The following CCND3 variants were observed in gnomAD, a reference collection of about 807,000 sequenced individuals.
CCND3 encodes the protein G1/S-specific cyclin-D3.
Under a neutral mutation model 28.7 loss-of-function variants are expected in CCND3, and 9 were observed. The ratio of observed to expected loss-of-function variants is 0.31; its 90% CI spans 0.19 to 0.55. The LOEUF is 0.55. CCND3 is among the 20% of genes least tolerant of loss of function. CCND3 has a pLI of 0.93. For synonymous variants in CCND3, 164 were observed against 163.9 expected (o/e 1.00, Z 0.00); for missense variants, 315 against 385.8 (o/e 0.82, Z 1.54).
At chr6:41,988,590 A>C (rs1762552701) in intron 1 of CCND3, among the ~76,000 whole-genome samples, 2 of 152,102 alleles carry the variant, frequency 1.3e-5, no homozygotes, top group African/African-American at 4.8e-5. Context: ...CCAGCCTTGC[A>C]GCTGGGCTAA....
Position 41,951,575 on chromosome 6 carries a change from C to CAAAAAAAAAA in CCND3, c.-45-10991_-45-10990insTTTTTTTTTT, listed in dbSNP as rs58855970. On this transcript the variant is annotated intron_variant, in intron 1 of 4. Transcript: ENST00000372988. ...ACACACACACACACACACACACACA[C>CAAAAAAAAAA]AAAAAAAAAGATTAAGTGGGAGTAA... Among the ~76,000 whole-genome samples, 67 of 70,132 alleles carry CAAAAAAAAAA rather than the reference C, an allele frequency of 9.6e-4. 1 individual carries two copies. The highest frequency in any genetic ancestry group is 2.0e-3 in the South Asian group (3 of 1,520). 46.0% of individuals were successfully genotyped at this position (70,132 alleles called of 152,430 possible).
intron 1 of CCND3, among the ~76,000 whole-genome samples, chr6:42,046,705 C>T (rs972447393): frequency 6.6e-6 from 1 of 152,160 alleles, no homozygotes; most frequent in Non-Finnish European, 1.5e-5. Context: ...TGTGCAGTTC[C>T]CACAACTCTA....
At chr6:42,000,263 G>GTTTTTT (rs1762958941) in intron 1 of CCND3, among the ~76,000 whole-genome samples, 4 of 84,988 alleles carry the variant, frequency 4.7e-5, no homozygotes, top group African/African-American at 9.8e-5. Flanking sequence ...TTTTTTTTTG[G>GTTTTTT]GACAGAGTCT....
intron 1 of CCND3, among the ~76,000 whole-genome samples, chr6:42,040,890 A>C (rs1048414032): frequency 2.0e-5 from 3 of 151,774 alleles, no homozygotes; most frequent in African/African-American, 2.4e-5. Context: ...AAAAAAAAAA[A>C]CCTCATAGAA....
chr6:41,997,701 C>T (rs1246808409), intron 1 of CCND3, among the ~76,000 whole-genome samples: 1 of 151,848 alleles, frequency 6.6e-6, no homozygotes, highest in Non-Finnish European at 1.5e-5. Context: ...AGACCAGCCC[C>T]GGCAACACAG....
rs1199507607 is a variant in CCND3, at chr6:41,941,799, C to T, written c.-150G>A. The T allele has an allele frequency of 3.1e-6, 1 of 322,996 alleles. No homozygotes were observed. The highest frequency in any genetic ancestry group is 5.4e-6 in the Non-Finnish European group (1 of 186,574). The allele number at this position is 322,996 out of a possible 1,614,324, so 20.0% of individuals were successfully genotyped here. A position where few individuals can be genotyped will look rare whatever the true frequency, so the allele number is the denominator to read the frequency against. On this transcript the variant is annotated 5_prime_UTR_variant, in exon 1 of 5. Coordinates refer to ENST00000372991, the MANE Select transcript of CCND3 (RefSeq NM_001760.5). The surrounding 1 kb of genome is among the most constrained non-coding windows in gnomAD (Gnocchi z 6.1). Reference sequence around the variant, plus strand: ...GCCCGCCGCCCGCGCGCGCGCGCCGCTTCCCTGACAGGCGCCCCGCCCCTC... The same window carrying T: ...GCCCGCCGCCCGCGCGCGCGCGCCGTTTCCCTGACAGGCGCCCCGCCCCTC...
intron 1 of CCND3, among the ~76,000 whole-genome samples, chr6:42,047,495 C>G (rs1344765559): frequency 6.6e-6 from 1 of 152,146 alleles, no homozygotes; most frequent in East Asian, 1.9e-4. Flanking sequence ...AAGGACTCGT[C>G]AGAGGAAACA....
At chr6:42,044,956 C>CTTTTTTTTTTTTTTT (rs1562002036) in intron 1 of CCND3, among the ~76,000 whole-genome samples, 1 of 123,952 alleles carries the variant, frequency 8.1e-6, no homozygotes, top group Non-Finnish European at 1.6e-5. Context: ...GCCCGGCTAA[C>CTTTTTTTTTTTTTTT]GTTTTTTTTT....
At chr6:42,023,243 G>T (rs190592158) in intron 1 of CCND3, among the ~76,000 whole-genome samples, 3 of 152,276 alleles carry the variant, frequency 2.0e-5, no homozygotes, top group South Asian at 2.1e-4. Flanking sequence ...GCATTGCTGG[G>T]TTTTTTGTTG....
rs1439802450 is a variant in CCND3, at chr6:41,939,710, A to G, written c.414+660T>C. On this transcript the variant is annotated intron_variant, in intron 2 of 4. Coordinates refer to ENST00000372991, the MANE Select transcript of CCND3 (RefSeq NM_001760.5). The surrounding 1 kb of genome is among the most constrained non-coding windows in gnomAD (Gnocchi z 4.2). Reference sequence around the variant, plus strand: ...TGTCCCTCAGCTTGGGCCTTGGGCTAAGGGGGGAAGAGGGAGCTGTTTCCA... The same window carrying G: ...TGTCCCTCAGCTTGGGCCTTGGGCTGAGGGGGGAAGAGGGAGCTGTTTCCA... Among the ~76,000 whole-genome samples, 1 of 152,152 alleles carries G rather than the reference A, an allele frequency of 6.6e-6. No individual in the cohort carries two copies. Among genetic ancestry groups the G allele is most frequent in the Non-Finnish European group, 1.5e-5 (1 of 68,020 alleles).
At chr6:41,952,530 G>C (rs909281807) in intron 1 of CCND3, among the ~76,000 whole-genome samples, 4 of 152,230 alleles carry the variant, frequency 2.6e-5, no homozygotes. Context: ...CTTGGGGATG[G>C]AGGAGGAGTG....
chr6:41,983,176 A>G (rs756928717), intron 1 of CCND3, among the ~76,000 whole-genome samples: 21 of 152,048 alleles, frequency 1.4e-4, no homozygotes, highest in Non-Finnish European at 2.8e-4. Flanking sequence ...TCAGGAGTTC[A>G]AGACCAGCCT....
intron 1 of CCND3, among the ~76,000 whole-genome samples, chr6:41,955,931 G>T (rs370510817): frequency 6.6e-6 from 1 of 152,080 alleles, no homozygotes; most frequent in Admixed American, 6.6e-5. Context: ...GAGCGAAACC[G>T]TATCTCAGAA....
intron 1 of CCND3, chr6:41,940,868 G>T: frequency 1.5e-6 from 2 of 1,307,956 alleles, no homozygotes; most frequent in Non-Finnish European, 2.2e-6. Context: ...CTCCCCCACA[G>T]CGAGGGGAAG....
intron 1 of CCND3, among the ~76,000 whole-genome samples, chr6:42,028,984 TTTC>T (rs1436023560): frequency 6.6e-6 from 1 of 151,384 alleles, no homozygotes; most frequent in East Asian, 2.0e-4. Context: ...TTTTTTTTTT[TTTC>T]CTAAGAGACA....
In CCND3 at chr6:41,975,643, G is replaced by A. The variant is rs369245018; in HGVS notation, c.-45-35058C>T. Among the ~76,000 whole-genome samples the A allele has an allele frequency of 1.1e-3, 166 of 152,214 alleles. 5 individuals carry two copies. In the South Asian group the frequency reaches 0.033, roughly 30 times the overall value. ...GGTGGGTGATGGAGAATTAAGGGAGGCAGCCAAAGGGTTCCAGGGACTCAC... is the reference window on the plus strand; with the variant it reads ...GGTGGGTGATGGAGAATTAAGGGAGACAGCCAAAGGGTTCCAGGGACTCAC... On this transcript the variant is annotated intron_variant, in intron 1 of 4. Coordinates refer to the CCND3 transcript ENST00000372988.
chr6:41,992,183 G>A (rs1297448336), intron 1 of CCND3, among the ~76,000 whole-genome samples: 3 of 152,134 alleles, frequency 2.0e-5, no homozygotes, highest in Non-Finnish European at 4.4e-5. Flanking sequence ...TAATTTTTGA[G>A]AAGAAGTCTC....
chr6:41,979,601 C>T (rs751915719), intron 1 of CCND3, among the ~76,000 whole-genome samples: 77 of 144,002 alleles, frequency 5.3e-4, no homozygotes, highest in Middle Eastern at 3.6e-3. Context: ...CATTGTCAGA[C>T]AAGGAAAAAA....
rs574554518 is a variant in CCND3 at position 42,034,175 on chromosome 6, C to A, written c.-46+14326G>T. Among the ~76,000 whole-genome samples, 86 of 149,538 alleles carry A rather than the reference C, an allele frequency of 5.8e-4. 1 individual carries two copies. The East Asian group carries it at 0.015, about 25-fold the overall frequency. ...TTTTTTTTTTTTTTTGAGATGGAGC[C>A]TCGCTCTTGTTGCCCAGGCTGGAGT... On this transcript the variant is annotated intron_variant, in intron 1 of 4. Coordinates refer to the CCND3 transcript ENST00000372988.
Sources: gnomAD v4.1 joint callset for allele counts (sites outside exome capture counted in the v4.1 genomes callset) on GRCh38, gnomAD v4.1.1 for gene constraint, Gnocchi (gnomAD v3.1) non-coding constraint, MANE v1.5 for transcripts, NCBI Gene and HGNC (gene_info 2026-07-23, HGNC 2026-07-21) for gene names.